ZRANB3: variants seen among roughly 807,000 people sequenced by gnomAD.
The protein encoded by ZRANB3 is zinc finger RANBP2-type containing 3.
Under a neutral mutation model 133.8 loss-of-function variants are expected in ZRANB3, and 125 were observed. The ratio of observed to expected loss-of-function variants is 0.93; its 90% CI spans 0.81 to 1.08. ZRANB3 has a LOEUF of 1.08. Among genes scored for constraint, ZRANB3 ranks in the 50% least tolerant of loss-of-function variants. ZRANB3 has a pLI of 0.00. For missense variants in ZRANB3, 1,229 were observed against 1,275.5 expected, an observed-to-expected ratio of 0.96 and a Z score of 0.56; for synonymous variants, 387 against 432.7, an observed-to-expected ratio of 0.89 and a Z score of 1.31.
At chr2:135,326,660 G>A (rs1683845560) in intron 6 of ZRANB3, among the ~76,000 whole-genome samples, 1 of 151,860 alleles carries the variant, frequency 6.6e-6, no homozygotes, top group East Asian at 1.9e-4. Flanking sequence ...CCAGCACTTT[G>A]GGAGGCTGAG....
intron 12 of ZRANB3, among the ~76,000 whole-genome samples, chr2:135,245,336 C>T (rs929205767): frequency 6.6e-6 from 1 of 152,170 alleles, no homozygotes; most frequent in Non-Finnish European, 1.5e-5. Flanking sequence ...GTCTCTTTGA[C>T]ATTTAGCAGC....
chr2:135,283,629 A>C (rs1681204418), intron 8 of ZRANB3, among the ~76,000 whole-genome samples: 2 of 151,082 alleles, frequency 1.3e-5, no homozygotes, highest in East Asian at 2.0e-4. Context: ...AAAAAAAAAA[A>C]ACTGAATTCA....
chr2:135,396,541 T>A (rs1440140654), intron 2 of ZRANB3, among the ~76,000 whole-genome samples: 2 of 152,150 alleles, frequency 1.3e-5, no homozygotes, highest in Admixed American at 6.5e-5. Flanking sequence ...GGTCATTATG[T>A]TAAGTGAAAT....
At chr2:135,456,526 G>A (rs913785057) in intron 2 of ZRANB3, among the ~76,000 whole-genome samples, 2 of 152,152 alleles carry the variant, frequency 1.3e-5, no homozygotes, top group African/African-American at 4.8e-5. Context: ...CACTATTCAT[G>A]ACAATCTATT....
At chr2:135,293,517 G>T (rs1681873492) in intron 8 of ZRANB3, among the ~76,000 whole-genome samples, 1 of 152,012 alleles carries the variant, frequency 6.6e-6, no homozygotes, top group African/African-American at 2.4e-5. Context: ...GGGTTTTCTA[G>T]ATATACAATC....
chr2:135,457,902 G>A (rs1690599004), intron 2 of ZRANB3, among the ~76,000 whole-genome samples: 1 of 152,068 alleles, frequency 6.6e-6, no homozygotes, highest in Admixed American at 6.6e-5. Flanking sequence ...AAGCACAGAA[G>A]TTTCTTAATT....
At chr2:135,436,064 G>C (rs1689520144) in intron 2 of ZRANB3, among the ~76,000 whole-genome samples, 1 of 152,098 alleles carries the variant, frequency 6.6e-6, no homozygotes. Context: ...GTCCACTCCT[G>C]TGTCTAGGAT....
intron 2 of ZRANB3, among the ~76,000 whole-genome samples, chr2:135,425,865 G>C (rs1353244700): frequency 6.6e-6 from 1 of 151,318 alleles, no homozygotes; most frequent in Non-Finnish European, 1.5e-5. Context: ...GAAGGAAATT[G>C]AGATACGAAA....
At chr2:135,232,005 C>T (rs769187655) in intron 12 of ZRANB3, among the ~76,000 whole-genome samples, 5 of 152,270 alleles carry the variant, frequency 3.3e-5, no homozygotes, top group South Asian at 4.1e-4. Flanking sequence ...TCGACTCACC[C>T]GGGAAGCGCA....
chr2:135,503,616 T>C (rs1277346436), intron 2 of ZRANB3, among the ~76,000 whole-genome samples: 2 of 152,088 alleles, frequency 1.3e-5, no homozygotes, highest in Non-Finnish European at 2.9e-5. Context: ...TATAAGGTAC[T>C]CATAAAACAC....
chr2:135,288,635 G>A (rs761869829), intron 8 of ZRANB3, among the ~76,000 whole-genome samples: 1 of 152,080 alleles, frequency 6.6e-6, no homozygotes, highest in Non-Finnish European at 1.5e-5. Context: ...TAATCTAGGA[G>A]TGTTGTATAT....
chr2:135,429,149 A>C (rs1198041486), intron 2 of ZRANB3, among the ~76,000 whole-genome samples: 1 of 152,216 alleles, frequency 6.6e-6, no homozygotes, highest in Admixed American at 6.5e-5. Flanking sequence ...GCCCATCAAC[A>C]ACAGACTGGA....
chr2:135,217,438 C>T (rs1694357111), intron 17 of ZRANB3, 27 bp downstream of exon 17: 3 of 1,569,750 alleles, frequency 1.9e-6, no homozygotes, highest in Non-Finnish European at 2.6e-6. Flanking sequence ...TAATATAATA[C>T]AAAATTTAAA....
chr2:135,436,460 A>T (rs760790543), intron 2 of ZRANB3, among the ~76,000 whole-genome samples: 2 of 152,202 alleles, frequency 1.3e-5, no homozygotes, highest in Non-Finnish European at 1.5e-5. Flanking sequence ...GCATTCCCAT[A>T]CACCAACAAC....
intron 5 of ZRANB3, among the ~76,000 whole-genome samples, chr2:135,349,107 T>C (rs1685077108): frequency 6.6e-6 from 1 of 152,332 alleles, no homozygotes; most frequent in South Asian, 2.1e-4. Flanking sequence ...TTTATATGTA[T>C]CTCACAAGAT....
chr2:135,360,158 C>G (rs1439823181), intron 3 of ZRANB3, among the ~76,000 whole-genome samples: 1 of 151,656 alleles, frequency 6.6e-6, no homozygotes, highest in Non-Finnish European at 1.5e-5. Flanking sequence ...GCGGGTGGGT[C>G]ACCTGAGGTC....
At chr2:135,288,220 G>A (rs1225014443) in intron 8 of ZRANB3, among the ~76,000 whole-genome samples, 1 of 152,022 alleles carries the variant, frequency 6.6e-6, no homozygotes, top group African/African-American at 2.4e-5. Context: ...ATTCTATTTA[G>A]GTGGTGTATC....
intron 2 of ZRANB3, 45 bp downstream of exon 2, chr2:135,504,284 T>A: frequency 1.2e-6 from 2 of 1,609,110 alleles, no homozygotes; most frequent in Non-Finnish European, 1.7e-6. Flanking sequence ...TTTAATACAC[T>A]TTCCAGGAAT....
chr2:135,346,575 T>C (rs1684939611), intron 5 of ZRANB3, among the ~76,000 whole-genome samples: 1 of 152,158 alleles, frequency 6.6e-6, no homozygotes, highest in East Asian at 1.9e-4. Context: ...TTAGAGGTGA[T>C]GTAGGATTAT....
Sources: gnomAD v4.1 joint callset for allele counts (sites outside exome capture counted in the v4.1 genomes callset) on GRCh38, gnomAD v4.1.1 for gene constraint, MANE v1.5 for transcripts, NCBI Gene and HGNC (gene_info 2026-07-23, HGNC 2026-07-21) for gene names.